The following GRID1 variants were observed in gnomAD, a reference collection of about 807,000 sequenced individuals.
The protein encoded by GRID1 is glutamate ionotropic receptor delta type subunit 1.
Under a neutral mutation model 98.0 loss-of-function variants are expected in GRID1, and 28 were observed. That is an observed-to-expected ratio of 0.29 (90% CI 0.21 to 0.39). The LOEUF (loss-of-function observed/expected upper bound fraction) is 0.39. GRID1 is among the 10% of genes least tolerant of loss of function. The pLI is 1.00. For missense variants in GRID1, 1,111 were observed against 1,340.5 expected (o/e 0.83, Z 2.67); for synonymous variants, 553 against 538.5 (o/e 1.03, Z -0.37).
At chr10:85,809,981 G>A (rs1363224116) in intron 8 of GRID1, among the ~76,000 whole-genome samples, 1 of 152,218 alleles carries the variant, frequency 6.6e-6, no homozygotes, top group African/African-American at 2.4e-5. Flanking sequence ...TGGATTAGGA[G>A]CACAAGTTTT....
intron 14 of GRID1, among the ~76,000 whole-genome samples, chr10:85,618,985 C>G (rs373565754): frequency 2.5e-4 from 38 of 152,328 alleles, no homozygotes; most frequent in African/African-American, 8.7e-4. Flanking sequence ...TGCCCCTGAG[C>G]CTGGCACGAT....
intron 2 of GRID1, among the ~76,000 whole-genome samples, chr10:86,330,619 C>T (rs1440241070): frequency 6.6e-6 from 1 of 152,220 alleles, no homozygotes; most frequent in African/African-American, 2.4e-5. Context: ...GTCCCCACAG[C>T]GCCGAGCAGC....
intron 4 of GRID1, among the ~76,000 whole-genome samples, chr10:85,993,451 A>G (rs1842705692): frequency 6.6e-6 from 1 of 152,226 alleles, no homozygotes; most frequent in Non-Finnish European, 1.5e-5. Context: ...AAGCATGGAC[A>G]TTTATATCAA....
chr10:85,805,791 C>A (rs985161449), intron 8 of GRID1, among the ~76,000 whole-genome samples: 1 of 151,742 alleles, frequency 6.6e-6, no homozygotes, highest in Non-Finnish European at 1.5e-5. Flanking sequence ...TAAATAAATA[C>A]CTTGATACCT....
intron 4 of GRID1, among the ~76,000 whole-genome samples, chr10:86,004,252 G>A (rs1156604430): frequency 6.6e-6 from 1 of 152,158 alleles, no homozygotes; most frequent in Admixed American, 6.5e-5. Flanking sequence ...GGACATGGAG[G>A]AATATTGCAA....
chr10:86,073,842 C>T (rs1035497120), intron 4 of GRID1, among the ~76,000 whole-genome samples: 1 of 152,200 alleles, frequency 6.6e-6, no homozygotes, highest in Non-Finnish European at 1.5e-5. Flanking sequence ...GGACTGAGCA[C>T]CTGGGCTCTC....
intron 3 of GRID1, among the ~76,000 whole-genome samples, chr10:86,160,533 G>A (rs1358783920): frequency 1.3e-5 from 2 of 152,222 alleles, no homozygotes; most frequent in Non-Finnish European, 2.9e-5. Flanking sequence ...CAAAGGGTCA[G>A]GAGGCTGAAT....
chr10:85,990,660 CCCCTGCAAGTGGAGAGAGGTGGGCA>C lies in GRID1; in HGVS notation c.727-74446_727-74422del, dbSNP rs1025060192. ...TGCTGAGGAAGGAAGGAAGAGAGGT[CCCCTGCAAGTGGAGAGAGGTGGGCA>C]CCCTGCAAGTGGAGAGAGGTGGGCA... On this transcript the variant is annotated intron_variant, in intron 4 of 15. Coordinates refer to ENST00000327946, the MANE Select transcript of GRID1 (RefSeq NM_017551.3). Among the ~76,000 whole-genome samples, 15 of 152,106 alleles carry C rather than the reference CCCCTGCAAGTGGAGAGAGGTGGGCA, an allele frequency of 9.9e-5. 1 individual carries two copies. Among genetic ancestry groups the C allele is most frequent in the African/African-American group, 3.4e-4 (14 of 41,482 alleles).
At chr10:86,174,998 G>T (rs1243239126) in intron 3 of GRID1, among the ~76,000 whole-genome samples, 3 of 152,120 alleles carry the variant, frequency 2.0e-5, no homozygotes, top group Non-Finnish European at 4.4e-5. Context: ...AACAACAGGT[G>T]CTGGAGAGGA....
intron 8 of GRID1, among the ~76,000 whole-genome samples, chr10:85,829,903 C>A (rs1018870226): frequency 4.6e-5 from 7 of 152,214 alleles, no homozygotes; most frequent in Admixed American, 2.0e-4. Flanking sequence ...TTTACAGATG[C>A]AATGCTATCC....
At chr10:86,244,885 T>G (rs1846696867) in intron 2 of GRID1, among the ~76,000 whole-genome samples, 1 of 152,230 alleles carries the variant, frequency 6.6e-6, no homozygotes, top group Admixed American at 6.5e-5. Context: ...GTTTAATGAA[T>G]TTCTCAGTGC....
intron 8 of GRID1, among the ~76,000 whole-genome samples, chr10:85,852,267 C>T (rs564444522): frequency 6.6e-6 from 1 of 152,378 alleles, no homozygotes; most frequent in African/African-American, 2.4e-5. Context: ...AAATCAGCTT[C>T]CCTTCCAACT....
intron 2 of GRID1, among the ~76,000 whole-genome samples, chr10:86,296,102 T>C (rs2132078404): frequency 6.6e-6 from 1 of 152,332 alleles, no homozygotes; most frequent in South Asian, 2.1e-4. Flanking sequence ...TCCCACACCA[T>C]GGCTGGCAGC....
At chr10:86,345,667 C>G (rs1481453932) in intron 2 of GRID1, among the ~76,000 whole-genome samples, 4 of 152,210 alleles carry the variant, frequency 2.6e-5, no homozygotes, top group African/African-American at 9.7e-5. Flanking sequence ...CCACAGGCCT[C>G]TCTCCTCACA....
intron 13 of GRID1, among the ~76,000 whole-genome samples, chr10:85,634,079 G>A (rs953012895): frequency 2.0e-5 from 3 of 151,972 alleles, no homozygotes; most frequent in Non-Finnish European, 4.4e-5. Context: ...GCTGAGGCAG[G>A]AGAATTGCTT....
chr10:85,901,261 T>C (rs534770502), intron 5 of GRID1, among the ~76,000 whole-genome samples: 1 of 149,250 alleles, frequency 6.7e-6, no homozygotes, highest in South Asian at 2.1e-4. Context: ...ATTTATTTAT[T>C]TTGAGACAGA....
chr10:86,224,730 C>T (rs1038557599), intron 2 of GRID1, among the ~76,000 whole-genome samples: 1 of 152,174 alleles, frequency 6.6e-6, no homozygotes, highest in African/African-American at 2.4e-5. Context: ...AGAGCACTGG[C>T]CACTAAAATA....
In GRID1 at chr10:86,167,779, C is replaced by T. The variant is rs556142127; in HGVS notation, c.521-28755G>A. 1.8e-4 allele frequency among the ~76,000 whole-genome samples: 27 copies of T among 152,356 alleles called. 1 individual carries two copies. Among genetic ancestry groups the T allele is most frequent in the African/African-American group, 6.5e-4 (27 of 41,584 alleles). On this transcript the variant is annotated intron_variant, in intron 3 of 15. Transcript: ENST00000327946. ...AAAGTAGGACTGATTCTGCCTTTCTCACAGAAGCACCAGACTCAGCTCGGG... is the reference window on the plus strand; with the variant it reads ...AAAGTAGGACTGATTCTGCCTTTCTTACAGAAGCACCAGACTCAGCTCGGG...
chr10:86,218,767 C>T (rs866009878), intron 2 of GRID1, among the ~76,000 whole-genome samples: 3 of 152,198 alleles, frequency 2.0e-5, no homozygotes, highest in Admixed American at 6.5e-5. Flanking sequence ...TCACTTTCTG[C>T]TTTATATGTG....
Sources: allele counts gnomAD v4.1 joint callset (sites outside exome capture counted in the v4.1 genomes callset), GRCh38; gene constraint gnomAD v4.1.1; transcripts MANE v1.5; gene names NCBI Gene and HGNC (gene_info 2026-07-23, HGNC 2026-07-21).